The following TAF7L variants were observed in gnomAD, a reference collection of about 807,000 sequenced individuals.
TAF7L encodes the protein transcription initiation factor TFIID subunit 7-like.
In TAF7L, 6 loss-of-function variants were observed where a neutral mutation model predicts 30.2. The observed-to-expected ratio is 0.20, with a 90% CI of 0.11 to 0.39. TAF7L has a LOEUF of 0.39. Ranked by LOEUF, TAF7L falls within the 10% of genes least tolerant of loss-of-function variation. The probability of loss-of-function intolerance (pLI) is 1.00; values close to 1 mark genes in which losing one functional copy is unlikely to be tolerated. For missense variants in TAF7L, 284 were observed against 277.1 expected (o/e 1.03, Z -0.18); for synonymous variants, 93 against 94.5 (o/e 0.98, Z 0.09).
intron 1 of TAF7L, among the ~76,000 whole-genome samples, chrX:101,290,829 T>C (rs2180271): frequency 0.29 from 32,150 of 110,815 alleles, 3,573 homozygotes; most frequent in East Asian, 0.65. Flanking sequence ...GACCCCTTAC[T>C]ACCATTCACC....
chrX:101,281,226 G>A (rs5991925), intron 6 of TAF7L, among the ~76,000 whole-genome samples: 54,824 of 110,739 alleles, frequency 0.5, 11,572 homozygotes, highest in African/African-American at 0.83. Context: ...GGAAAATGGC[G>A]AAAGGGTACA....
intron 6 of TAF7L, among the ~76,000 whole-genome samples, chrX:101,279,765 T>C (rs922905005): frequency 9.0e-6 from 1 of 111,553 alleles, no homozygotes. Context: ...GGTGGAGGGA[T>C]TGACAGATGG....
Position 101,269,909 on chromosome X carries a change from T to C in TAF7L, c.1087-672A>G, listed in dbSNP as rs898745599. 4.8e-4 allele frequency among the ~76,000 whole-genome samples: 54 copies of C among 112,205 alleles called. 1 individual carries two copies. The Admixed American group carries it at 5.1e-3, about 11-fold the overall frequency. On this transcript the variant is annotated intron_variant, in intron 12 of 12. Coordinates refer to ENST00000356784, the MANE Select transcript of TAF7L (RefSeq NM_001168474.2). ...AATATACAGAGGTCACAGCTCACTG[T>C]AGGGGCAAAGGAGATGGGATCTCTG... is the stretch of plus-strand genomic sequence containing the variant.
At chrX:101,282,513 A>T in intron 4 of TAF7L, 60 bp from the exon 5 acceptor site, 25 of 1,150,334 alleles carry the variant, frequency 2.2e-5, no homozygotes, top group Non-Finnish European at 3.0e-5. Context: ...TAGCAATCAT[A>T]ATCATTCTTA....
chrX:101,272,150 C>T (rs1923984027), intron 12 of TAF7L, among the ~76,000 whole-genome samples: 1 of 110,887 alleles, frequency 9.0e-6, no homozygotes, highest in African/African-American at 3.3e-5. Context: ...GCTGCTTGAC[C>T]CTCATTTAGC....
At chrX:101,278,855 T>G in intron 7 of TAF7L, 139 bp downstream of exon 7, 1 of 474,162 alleles carries the variant, frequency 2.1e-6, no homozygotes, top group Non-Finnish European at 3.7e-6. Context: ...ACCCAGTGTA[T>G]GTGTTTAGGA....
At chrX:101,269,704 A>G (rs1923906550) in intron 12 of TAF7L, among the ~76,000 whole-genome samples, 1 of 111,422 alleles carries the variant, frequency 9.0e-6, no homozygotes, top group Non-Finnish European at 1.9e-5. Flanking sequence ...TCACGAGAAC[A>G]GCATGGGAAA....
At chrX:101,292,269 T>A (rs9698259), upstream of TAF7L, among the ~76,000 whole-genome samples, 2 of 53,383 alleles carry the variant, frequency 3.7e-5, no homozygotes, top group East Asian at 8.9e-4. Context: ...AAAAAATAAA[T>A]AAAAATAATA....
intron 12 of TAF7L, among the ~76,000 whole-genome samples, chrX:101,271,320 G>A (rs766528153): frequency 3.6e-5 from 4 of 111,210 alleles, no homozygotes; most frequent in African/African-American, 9.8e-5. Context: ...TTGTCATGAC[G>A]CGAACATGAT....
intron 12 of TAF7L, 113 bp from the exon 13 acceptor site, chrX:101,269,350 T>A: frequency 1.5e-6 from 1 of 666,580 alleles, no homozygotes; most frequent in East Asian, 3.3e-5. Flanking sequence ...TTGGCATTTA[T>A]AAGGTTATCT....
At chrX:101,279,848 C>A (rs780841685) in intron 6 of TAF7L, among the ~76,000 whole-genome samples, 1 of 110,479 alleles carries the variant, frequency 9.1e-6, no homozygotes, top group Admixed American at 9.8e-5. Context: ...CACAAAGGTG[C>A]AAAAGCAATA....
rs1260342954 is a variant in TAF7L at position 101,281,713 on chromosome X, A to G, written c.462+7T>C. 2 of 1,207,846 alleles carry G rather than the reference A, an allele frequency of 1.7e-6. No homozygotes were observed. Among genetic ancestry groups the G allele is most frequent in the Non-Finnish European group, 2.2e-6 (2 of 893,792 alleles). On this transcript the variant is annotated splice_region_variant and intron_variant, in intron 6 of 12. Coordinates refer to ENST00000356784, the MANE Select transcript of TAF7L (RefSeq NM_001168474.2). ...CCCGGCAGACACACAAATAGCATGT[A>G]ACTAACCTTTTTTTGTGTTTTCCGG...
intron 12 of TAF7L, among the ~76,000 whole-genome samples, chrX:101,270,793 C>T (rs778342636): frequency 9.0e-6 from 1 of 111,128 alleles, no homozygotes; most frequent in South Asian, 3.8e-4. Context: ...TCCAATTTCT[C>T]CTATATACTT....
upstream of TAF7L, among the ~76,000 whole-genome samples, chrX:101,291,673 T>G (rs1344008595): frequency 9.2e-6 from 1 of 108,590 alleles, no homozygotes; most frequent in Non-Finnish European, 1.9e-5. Context: ...GAGACCATCC[T>G]GGCCAACATG....
rs764696848 is a variant in TAF7L, at chrX:101,287,484, C to G, written c.60G>C (p.Leu20=). 7.5e-6 allele frequency: 9 copies of G among 1,196,610 alleles called. No individual in the cohort carries two copies. In the East Asian group the frequency reaches 2.4e-4, roughly 32 times the overall value. The part of the protein sequence containing the change: ...DEVENQFILR[L]PLEHACTVRN... ...CTGAGATACAAGTTCTTACCAGAGG[C>G]AGACGCAATATAAACTGGTTCTCAA... Residue 20 remains leucine (L), a synonymous_variant, in exon 2 of 13, where the codon CTG becomes CTC. Coordinates refer to ENST00000356784, the MANE Select transcript of TAF7L (RefSeq NM_001168474.2).
At chrX:101,290,030 C>T (rs1417030300) in intron 1 of TAF7L, among the ~76,000 whole-genome samples, 6 of 109,140 alleles carry the variant, frequency 5.5e-5, no homozygotes, top group Non-Finnish European at 9.6e-5. Context: ...GCCTGGCCAA[C>T]ATAGTGAAAC....
intron 1 of TAF7L, among the ~76,000 whole-genome samples, chrX:101,290,146 G>A (rs955567723): frequency 3.6e-5 from 4 of 110,196 alleles, no homozygotes; most frequent in Admixed American, 9.7e-5. Flanking sequence ...GCAATGAGCC[G>A]AGATGGCGCC....
intron 12 of TAF7L, among the ~76,000 whole-genome samples, chrX:101,274,350 GACT>G (rs1924086683): frequency 3.6e-5 from 4 of 109,618 alleles, no homozygotes; most frequent in African/African-American, 1.3e-4. Context: ...GAGTAGCTGA[GACT>G]ACAGGCTTAT....
Position 101,268,685 on chromosome X carries a change from A to T in TAF7L, c.*508T>A, listed in dbSNP as rs1923871045. 1 of 112,473 alleles carries T rather than the reference A, an allele frequency of 8.9e-6. No individual in the cohort carries two copies. The highest frequency in any genetic ancestry group is 1.9e-5 in the Non-Finnish European group (1 of 53,482). 9.3% of individuals were successfully genotyped at this position (112,473 alleles called of 1,213,427 possible). A position where few individuals can be genotyped will look rare whatever the true frequency, so the allele number is the denominator to read the frequency against. On this transcript the variant is annotated 3_prime_UTR_variant, in exon 13 of 13. Transcript: ENST00000356784. ...CGTTTTTTCCCCTATGTTTTAGGAAATACTAAAAACCAAAAGAAAAGCTAA... is the reference window on the plus strand; with the variant it reads ...CGTTTTTTCCCCTATGTTTTAGGAATTACTAAAAACCAAAAGAAAAGCTAA...
Sources: gnomAD v4.1 joint callset for allele counts (sites outside exome capture counted in the v4.1 genomes callset) on GRCh38, gnomAD v4.1.1 for gene constraint, MANE v1.5 for transcripts, NCBI Gene and HGNC (gene_info 2026-07-23, HGNC 2026-07-21) for gene names.